PARD3B: variants seen among roughly 807,000 people sequenced by gnomAD.
PARD3B encodes par-3 family cell polarity regulator beta.
Under a neutral mutation model 130.2 loss-of-function variants are expected in PARD3B, and 103 were observed. That is an observed-to-expected ratio of 0.79 (90% CI 0.67 to 0.93). The LOEUF is 0.93. PARD3B is among the 40% of genes least tolerant of loss of function. The pLI, the probability that PARD3B is intolerant of heterozygous loss-of-function variation, is 0.00. For missense variants in PARD3B, 1,609 were observed against 1,499.2 expected (o/e 1.07, Z -1.21); for synonymous variants, 583 against 553.2 (o/e 1.05, Z -0.76).
chr2:205,435,774 T>G (rs2047492211), intron 19 of PARD3B, among the ~76,000 whole-genome samples: 1 of 152,146 alleles, frequency 6.6e-6, no homozygotes, highest in South Asian at 2.1e-4. Context: ...GTTTTTTCTA[T>G]ATTTTATATT....
rs1349125369 is a variant in PARD3B at position 205,187,864 on chromosome 2, TCTC to T, written c.2024+2004_2024+2006del. Among the ~76,000 whole-genome samples the T allele has an allele frequency of 2.6e-5, 4 of 152,218 alleles. No individual in the cohort carries two copies. The highest frequency in any genetic ancestry group is 9.6e-5 in the African/African-American group (4 of 41,456). On this transcript the variant is annotated intron_variant, in intron 14 of 22. Coordinates refer to ENST00000406610, the MANE Select transcript of PARD3B (RefSeq NM_001302769.2). The surrounding 1 kb of genome is among the most constrained non-coding windows in gnomAD (Gnocchi z 4.9). ...CTGCTCTCTTAATCATCAACGGTAA[TCTC>T]CTTTCAGTCAAAAGTATGACGTTGT...
chr2:205,504,690 A>T (rs1188408970), intron 21 of PARD3B, among the ~76,000 whole-genome samples: 3 of 152,244 alleles, frequency 2.0e-5, no homozygotes, highest in Non-Finnish European at 4.4e-5. Context: ...CCACAATGAG[A>T]TGCCATCTCA....
chr2:205,321,711 G>A lies in PARD3B; in HGVS notation c.2630+20010G>A, dbSNP rs2042758930. 6.6e-6 allele frequency among the ~76,000 whole-genome samples: 1 copy of A among 152,154 alleles called. No individual in the cohort carries two copies. The highest frequency in any genetic ancestry group is 2.1e-4 in the South Asian group (1 of 4,828). On this transcript the variant is annotated intron_variant, in intron 18 of 22. Transcript: ENST00000406610. The surrounding 1 kb of genome is among the most constrained non-coding windows in gnomAD (Gnocchi z 4.2). ...AAAATCAGAAATTACAAACAAGGAA[G>A]GTGGTAATTTCAAATATGATTACAA...
chr2:205,442,875 T>C (rs1355867483), intron 20 of PARD3B, among the ~76,000 whole-genome samples: 2 of 152,242 alleles, frequency 1.3e-5, no homozygotes, highest in African/African-American at 2.4e-5. Flanking sequence ...TCCAGACATA[T>C]GTGTAAAAGA....
At position 205,118,980 on chromosome 2, in the gene PARD3B, T is replaced by G. The variant is rs780066786; in HGVS notation, c.740T>G (p.Leu247Arg). ...AACAGCAGGTCCAAGCGGGAGGGAC[T>G]ATTTCACGAAAATGAATGTATTGTA... Reference protein sequence around the residue: ...EDNSRSKREGLFHENECIVKI... With the variant: ...EDNSRSKREGRFHENECIVKI... The change falls in exon 7 of 23, where the codon CTA becomes CGA. Residue 247 changes from leucine (L) to arginine (R), a missense_variant. By Grantham distance (102) the Leu-to-Arg change is moderately radical (BLOSUM62 -2). Transcript: ENST00000406610. 5.0e-6 allele frequency: 8 copies of G among 1,612,966 alleles called. No individual in the cohort carries two copies. The South Asian group carries it at 8.8e-5, about 18-fold the overall frequency.
At chr2:205,073,141 C>T (rs1700841712) in intron 4 of PARD3B, among the ~76,000 whole-genome samples, 1 of 152,116 alleles carries the variant, frequency 6.6e-6, no homozygotes, top group Admixed American at 6.5e-5. Context: ...ATTCCAATTA[C>T]CTTTCTATTA....
intron 1 of PARD3B, among the ~76,000 whole-genome samples, chr2:204,681,300 G>A (rs1298488954): frequency 6.6e-6 from 1 of 152,008 alleles, no homozygotes; most frequent in Non-Finnish European, 1.5e-5. Flanking sequence ...TATATGTATG[G>A]ACTAATTCTC....
intron 1 of PARD3B, among the ~76,000 whole-genome samples, chr2:204,670,689 G>A (rs2036258428): frequency 2.6e-5 from 4 of 151,866 alleles, no homozygotes; most frequent in Admixed American, 1.3e-4. Flanking sequence ...TAAAATTATT[G>A]TTAGGCTATT....
rs1410836767 is a variant in PARD3B, at chr2:205,321,875, TA to T, written c.2630+20177del. Among the ~76,000 whole-genome samples, 4 of 152,188 alleles carry T rather than the reference TA, an allele frequency of 2.6e-5. No individual in the cohort carries two copies. Among genetic ancestry groups the T allele is most frequent in the African/African-American group, 9.7e-5 (4 of 41,444 alleles). ...TTGACAATTAATGAAACTTCAGAAGTAAACCTCTGTAAATAGGTGCAAATAT... is the reference window on the plus strand; with the variant it reads ...TTGACAATTAATGAAACTTCAGAAGTAACCTCTGTAAATAGGTGCAAATAT... On this transcript the variant is annotated intron_variant, in intron 18 of 22. Coordinates refer to ENST00000406610, the MANE Select transcript of PARD3B (RefSeq NM_001302769.2). The surrounding 1 kb of genome is among the most constrained non-coding windows in gnomAD (Gnocchi z 4.2).
rs564938916 is a variant in PARD3B at position 204,618,931 on chromosome 2, T to A, written c.121-67250T>A. ...TTATTTTGTTCATTTGGTAGTTACA[T>A]AATAAATATTTTCCTGAATAAATGA... On this transcript the variant is annotated intron_variant, in intron 1 of 22. Transcript: ENST00000406610. Among the ~76,000 whole-genome samples the A allele has an allele frequency of 3.3e-5, 5 of 152,332 alleles. No homozygotes were observed. The East Asian group carries it at 9.6e-4, about 29-fold the overall frequency.
Position 205,240,216 on chromosome 2 carries a change from G to A in PARD3B, c.2141-5562G>A, listed in dbSNP as rs185993734. ...ACAGAAATTGATCTGCTAAAGGAGA[G>A]GAAAATTGATTTTTAATATTGGCAA... is the stretch of plus-strand genomic sequence containing the variant. On this transcript the variant is annotated intron_variant, in intron 15 of 22. Coordinates refer to ENST00000406610, the MANE Select transcript of PARD3B (RefSeq NM_001302769.2). 1.3e-3 allele frequency among the ~76,000 whole-genome samples: 191 copies of A among 152,226 alleles called. 3 individuals carry two copies. Among genetic ancestry groups the A allele is most frequent in the Admixed American group, 0.011 (164 of 15,294 alleles).
chr2:205,222,403 T>C (rs1461567650), intron 15 of PARD3B, among the ~76,000 whole-genome samples: 1 of 152,180 alleles, frequency 6.6e-6, no homozygotes, highest in Non-Finnish European at 1.5e-5. Context: ...CTTCTTAGCC[T>C]AAGTTCCCTC....
intron 15 of PARD3B, among the ~76,000 whole-genome samples, chr2:205,205,759 C>A (rs143009765): frequency 6.6e-6 from 1 of 152,092 alleles, no homozygotes; most frequent in Non-Finnish European, 1.5e-5. Context: ...AATTGATTTG[C>A]GTATGTTGAA....
At chr2:204,810,424 T>A (rs1446194866) in intron 2 of PARD3B, among the ~76,000 whole-genome samples, 3 of 152,190 alleles carry the variant, frequency 2.0e-5, no homozygotes, top group Non-Finnish European at 4.4e-5. Flanking sequence ...GTCCCTACAA[T>A]ACCTAGTTTA....
chr2:204,599,020 C>T (rs536071782), intron 1 of PARD3B, among the ~76,000 whole-genome samples: 6 of 151,424 alleles, frequency 4.0e-5, no homozygotes, highest in African/African-American at 1.5e-4. Context: ...GATTTTGCCA[C>T]TTGTATTTCC....
rs956279586 is a variant in PARD3B at position 205,523,223 on chromosome 2, G to A, written c.3180+23192G>A. 1.8e-3 allele frequency among the ~76,000 whole-genome samples: 225 copies of A among 127,998 alleles called. 1 individual carries two copies. The South Asian group carries it at 0.019, about 11-fold the overall frequency. The allele number at this position is 127,998 out of a possible 152,430, so 84.0% of individuals were successfully genotyped here. On this transcript the variant is annotated intron_variant, in intron 21 of 22. Coordinates refer to ENST00000406610, the MANE Select transcript of PARD3B (RefSeq NM_001302769.2). ...CCGTGTACTATATGTGTGTGTGTGTGTGTATATATATATATATATTTATAT... is the reference window on the plus strand; with the variant it reads ...CCGTGTACTATATGTGTGTGTGTGTATGTATATATATATATATATTTATAT...
chr2:205,549,123 G>T (rs988920074), intron 21 of PARD3B, among the ~76,000 whole-genome samples: 1 of 152,276 alleles, frequency 6.6e-6, no homozygotes, highest in East Asian at 1.9e-4. Context: ...CACACCAAAT[G>T]CTGACAAGGA....
rs1242380864 is a variant in PARD3B at position 205,265,238 on chromosome 2, G to A, written c.2185+19416G>A. On this transcript the variant is annotated intron_variant, in intron 16 of 22. Coordinates refer to ENST00000406610, the MANE Select transcript of PARD3B (RefSeq NM_001302769.2). The surrounding 1 kb of genome is among the most constrained non-coding windows in gnomAD (Gnocchi z 4.3). ...TTACAAGAGACTTAGACAAAGCAAG[G>A]TCTTCCAAGAATAAGCACAAAATGT... is the stretch of plus-strand genomic sequence containing the variant. 6.6e-6 allele frequency among the ~76,000 whole-genome samples: 1 copy of A among 151,998 alleles called. No individual in the cohort carries two copies. Among genetic ancestry groups the A allele is most frequent in the East Asian group, 1.9e-4 (1 of 5,198 alleles).
In PARD3B at chr2:205,608,487, C is replaced by T. The variant is rs1341416458; in HGVS notation, c.3261-6969C>T. On this transcript the variant is annotated intron_variant, in intron 22 of 22. Transcript: ENST00000406610. ...CCATGGGGTAATGATATGCAGGTAT[C>T]GTTCAAATGGATTGCATGACTGTTT... Among the ~76,000 whole-genome samples the T allele has an allele frequency of 2.6e-5, 4 of 152,138 alleles. No homozygotes were observed. The East Asian group carries it at 5.8e-4, about 22-fold the overall frequency.
Sources: allele counts gnomAD v4.1 joint callset (sites outside exome capture counted in the v4.1 genomes callset), GRCh38; gene constraint gnomAD v4.1.1; non-coding constraint Gnocchi (gnomAD v3.1); transcripts MANE v1.5; gene names NCBI Gene and HGNC (gene_info 2026-07-23, HGNC 2026-07-21).